Variants in PCBP3 observed in about 807,000 individuals in gnomAD.
PCBP3 encodes poly(rC)-binding protein 3.
PCBP3 carries 25 observed loss-of-function variants against 52.7 expected under a neutral mutation model. The observed-to-expected ratio is 0.47, with a 90% confidence interval of 0.35 to 0.66. The LOEUF is 0.66. PCBP3 is among the 30% of genes least tolerant of loss of function. The pLI, the probability that PCBP3 is intolerant of heterozygous loss-of-function variation, is 0.01. For synonymous variants in PCBP3, 162 were observed against 183.0 expected, an observed-to-expected ratio of 0.89 and a Z score of 0.93; for missense variants, 391 against 490.3, an observed-to-expected ratio of 0.80 and a Z score of 1.91.
chr21:45,700,574 C>G (rs2083059677), intron 2 of PCBP3, among the ~76,000 whole-genome samples: 1 of 152,174 alleles, frequency 6.6e-6, no homozygotes, highest in African/African-American at 2.4e-5. Context: ...GCCCGCCCAG[C>G]AACAACCACC....
chr21:45,908,832 G>A (rs1023003268), intron 9 of PCBP3, among the ~76,000 whole-genome samples: 11 of 152,026 alleles, frequency 7.2e-5, no homozygotes, highest in African/African-American at 2.2e-4. Flanking sequence ...GGCACAGGCC[G>A]CCCCCCACCT....
At chr21:45,819,110 CCA>C (rs2093051219) in intron 4 of PCBP3, among the ~76,000 whole-genome samples, 1 of 152,168 alleles carries the variant, frequency 6.6e-6, no homozygotes, top group African/African-American at 2.4e-5. Context: ...TTTGCCCAAA[CCA>C]CAGAGTACAG....
At chr21:45,789,872 G>A (rs1038203045) in intron 4 of PCBP3, among the ~76,000 whole-genome samples, 1 of 152,204 alleles carries the variant, frequency 6.6e-6, no homozygotes, top group Non-Finnish European at 1.5e-5. Context: ...GGGCGCAGTG[G>A]CTCACGCCTG....
At chr21:45,884,211 C>G (rs1220998344) in intron 5 of PCBP3, among the ~76,000 whole-genome samples, 1 of 152,202 alleles carries the variant, frequency 6.6e-6, no homozygotes. Context: ...GCTGGGATTA[C>G]AGGCGTGAGC....
At chr21:45,868,856 C>T (rs980300691) in intron 5 of PCBP3, among the ~76,000 whole-genome samples, 2 of 152,168 alleles carry the variant, frequency 1.3e-5, no homozygotes, top group African/African-American at 4.8e-5. Flanking sequence ...TGACAGGAGC[C>T]CCGCAGGACG....
intron 16 of PCBP3, 137 bp from the exon 17 acceptor site, chr21:45,939,893 G>C (rs559394181): frequency 1.4e-6 from 1 of 731,860 alleles, no homozygotes; most frequent in Non-Finnish European, 2.3e-6. Context: ...GGGCCTCTCC[G>C]GGGTGTTGAG....
chr21:45,653,303 T>C (rs547577291), intron 1 of PCBP3, among the ~76,000 whole-genome samples: 2 of 152,326 alleles, frequency 1.3e-5, no homozygotes, highest in South Asian at 2.1e-4. Context: ...TTGGTTGTTA[T>C]ATTCATTACT....
At chr21:45,670,923 C>T (rs914703163) in intron 2 of PCBP3, among the ~76,000 whole-genome samples, 7 of 152,152 alleles carry the variant, frequency 4.6e-5, no homozygotes, top group African/African-American at 1.2e-4. Flanking sequence ...CCATCTGCTA[C>T]GGAGGTGGCA....
At chr21:45,905,223 C>T (rs1010598860) in intron 9 of PCBP3, among the ~76,000 whole-genome samples, 3 of 152,178 alleles carry the variant, frequency 2.0e-5, no homozygotes, top group South Asian at 2.1e-4. Flanking sequence ...GGCAGAATGA[C>T]CCCCCAGAGC....
intron 4 of PCBP3, among the ~76,000 whole-genome samples, chr21:45,798,178 G>A (rs2092094936): frequency 1.3e-5 from 2 of 152,220 alleles, no homozygotes; most frequent in African/African-American, 4.8e-5. Flanking sequence ...TCCATAGAGA[G>A]AGTGAATGCA....
At chr21:45,684,154 G>A (rs1222483767) in intron 2 of PCBP3, among the ~76,000 whole-genome samples, 1 of 151,682 alleles carries the variant, frequency 6.6e-6, no homozygotes, top group Non-Finnish European at 1.5e-5. Flanking sequence ...CTTAAGCTCA[G>A]AAGTTCAAGG....
rs138946600 is a variant in PCBP3 at position 45,889,012 on chromosome 21, A to G, written c.11-7196A>G. On this transcript the variant is annotated intron_variant, in intron 5 of 17. Coordinates refer to ENST00000681687, the MANE Select transcript of PCBP3 (RefSeq NM_001384156.1). ...TAGCCCTTGTATGTTAGCTTCCTAA[A>G]TACACCTTTATGGGCTCAATACCAC... Among the ~76,000 whole-genome samples, 616 of 152,372 alleles carry G rather than the reference A, an allele frequency of 4.0e-3. 9 individuals are homozygous for G. The highest frequency in any genetic ancestry group is 0.014 in the African/African-American group (576 of 41,582).
chr21:45,783,653 G>C (rs1204854236), intron 4 of PCBP3, among the ~76,000 whole-genome samples: 1 of 152,344 alleles, frequency 6.6e-6, no homozygotes, highest in Non-Finnish European at 1.5e-5. Context: ...CATGGTGATG[G>C]AGGAGGTCAG....
chr21:45,705,867 C>T (rs2083416012), intron 2 of PCBP3, among the ~76,000 whole-genome samples: 1 of 152,170 alleles, frequency 6.6e-6, no homozygotes. Context: ...AAAATACTGA[C>T]TTGGCCATGG....
intron 3 of PCBP3, among the ~76,000 whole-genome samples, chr21:45,742,574 G>T (rs1271274221): frequency 6.6e-6 from 1 of 152,070 alleles, no homozygotes; most frequent in Non-Finnish European, 1.5e-5. Context: ...TTGTGATGTC[G>T]TCTCTTATTG....
At chr21:45,822,768 G>A (rs887119896) in intron 4 of PCBP3, among the ~76,000 whole-genome samples, 2 of 152,204 alleles carry the variant, frequency 1.3e-5, no homozygotes, top group African/African-American at 4.8e-5. Context: ...GTGAGTTTCT[G>A]ACTCTTCTTG....
At chr21:45,789,033 T>C (rs1203940221) in intron 4 of PCBP3, among the ~76,000 whole-genome samples, 1 of 152,222 alleles carries the variant, frequency 6.6e-6, no homozygotes, top group Non-Finnish European at 1.5e-5. Flanking sequence ...GTCCTGGGCT[T>C]AGAACACAGT....
rs909077463 is a variant in PCBP3, at chr21:45,849,985, C to G, written c.-101C>G. On this transcript the variant is annotated 5_prime_UTR_variant, in exon 5 of 18. Transcript: ENST00000681687. ...GGTCGGTAGGCTCCACGACAAAAGT[C>G]AACCCTTCTGTAAATCACCTGCTGT... 5.1e-4 allele frequency: 601 copies of G among 1,168,090 alleles called. No individual in the cohort carries two copies. Among genetic ancestry groups the G allele is most frequent in the Non-Finnish European group, 7.1e-4 (570 of 797,324 alleles). 72.4% of individuals were successfully genotyped at this position (1,168,090 alleles called of 1,614,324 possible). A position where few individuals can be genotyped will look rare whatever the true frequency, so the allele number is the denominator to read the frequency against.
chr21:45,690,594 ATACAAAGAACTTT>A (rs1354619957), intron 2 of PCBP3, among the ~76,000 whole-genome samples: 1 of 152,156 alleles, frequency 6.6e-6, no homozygotes, highest in African/African-American at 2.4e-5. Flanking sequence ...ATTTCAGAAT[ATACAAAGAACTTT>A]TGCAGCTCAA....
Sources: allele counts gnomAD v4.1 joint callset (sites outside exome capture counted in the v4.1 genomes callset), GRCh38; gene constraint gnomAD v4.1.1; transcripts MANE v1.5; gene names NCBI Gene and HGNC (gene_info 2026-07-23, HGNC 2026-07-21).